RAB11FIP4: variants seen among roughly 807,000 people sequenced by gnomAD.
RAB11FIP4 encodes RAB11 family interacting protein 4.
A neutral mutation model predicts 74.3 loss-of-function variants in RAB11FIP4; 23 were observed. That is an observed-to-expected ratio of 0.31 (90% confidence interval 0.22 to 0.44). The LOEUF (loss-of-function observed/expected upper bound fraction) is 0.44. Ranked by LOEUF, RAB11FIP4 falls within the 20% of genes least tolerant of loss-of-function variation. The pLI is 1.00. For synonymous variants in RAB11FIP4, 360 were observed against 359.9 expected, an observed-to-expected ratio of 1.00 and a Z score of 0.00; for missense variants, 630 against 863.9, an observed-to-expected ratio of 0.73 and a Z score of 3.39.
chr17:31,494,899 C>T (rs2072084665), intron 3 of RAB11FIP4, among the ~76,000 whole-genome samples: 1 of 152,234 alleles, frequency 6.6e-6, no homozygotes, highest in South Asian at 2.1e-4. Context: ...TCCGAGGTAA[C>T]AGACTTCTCC....
intron 1 of RAB11FIP4, among the ~76,000 whole-genome samples, chr17:31,418,038 C>G (rs1437252103): frequency 6.6e-6 from 1 of 152,164 alleles, no homozygotes; most frequent in African/African-American, 2.4e-5. Context: ...CTGCTGTGAG[C>G]TATGATCATG....
intron 1 of RAB11FIP4, among the ~76,000 whole-genome samples, chr17:31,417,071 C>G (rs1306665287): frequency 6.6e-6 from 1 of 151,614 alleles, no homozygotes; most frequent in African/African-American, 2.4e-5. Flanking sequence ...CAGCATTGCC[C>G]CCTCTCCCTC....
chr17:31,436,464 C>A (rs77734765), intron 3 of RAB11FIP4, among the ~76,000 whole-genome samples: 4 of 152,150 alleles, frequency 2.6e-5, no homozygotes, highest in Non-Finnish European at 4.4e-5. Flanking sequence ...GTAGGGGTGA[C>A]GTGTTCCCTG....
chr17:31,394,892 A>G (rs1159727867), intron 1 of RAB11FIP4, among the ~76,000 whole-genome samples: 1 of 133,208 alleles, frequency 7.5e-6, no homozygotes, highest in Non-Finnish European at 1.6e-5. Flanking sequence ...CCCCTGATGC[A>G]TTAAAAAATC....
intron 3 of RAB11FIP4, among the ~76,000 whole-genome samples, chr17:31,459,997 G>T (rs147807329): frequency 6.6e-6 from 1 of 152,136 alleles, no homozygotes; most frequent in African/African-American, 2.4e-5. Context: ...GGTCACTCCC[G>T]GCCCTCTCAG....
chr17:31,405,531 C>T (rs2071034524), intron 1 of RAB11FIP4, among the ~76,000 whole-genome samples: 1 of 152,142 alleles, frequency 6.6e-6, no homozygotes, highest in Non-Finnish European at 1.5e-5. Context: ...GCTGCCACAC[C>T]CAGCTAATTT....
chr17:31,391,857 C>CG lies in RAB11FIP4; in HGVS notation c.8dup (p.Gly4ArgfsTer120). ...CTGAGCTGCGGGCCGGCCCGGATGG[C>CG]GGGCGGCGCGGGCTGGTCGGGCGCC... On this transcript the variant is annotated frameshift_variant, in exon 1 of 15. Transcript: ENST00000621161. LOFTEE classifies it high-confidence loss of function. 1 of 1,124,418 alleles carries CG rather than the reference C, an allele frequency of 8.9e-7. No individual in the cohort carries two copies. The highest frequency in any genetic ancestry group is 1.1e-6 in the Non-Finnish European group (1 of 922,404). 69.7% of individuals were successfully genotyped at this position (1,124,418 alleles called of 1,614,324 possible).
At chr17:31,517,597 C>T in intron 3 of RAB11FIP4, 54 bp from the exon 4 acceptor site, 2 of 1,506,070 alleles carry the variant, frequency 1.3e-6, no homozygotes, top group East Asian at 2.4e-5. Flanking sequence ...GATTGGAACA[C>T]TGAGCCCTGG....
chr17:31,450,081 C>A (rs1354185604), intron 3 of RAB11FIP4, among the ~76,000 whole-genome samples: 1 of 152,090 alleles, frequency 6.6e-6, no homozygotes, highest in East Asian at 1.9e-4. Context: ...TGATGTAGAA[C>A]AATGGAACTT....
chr17:31,514,938 G>A (rs2072518750), intron 3 of RAB11FIP4, among the ~76,000 whole-genome samples: 1 of 152,248 alleles, frequency 6.6e-6, no homozygotes, highest in Admixed American at 6.5e-5. Flanking sequence ...TCCACAAAGT[G>A]TGGGAGGTGT....
intron 3 of RAB11FIP4, among the ~76,000 whole-genome samples, chr17:31,475,050 GAGA>G (rs2071778210): frequency 6.6e-6 from 1 of 152,262 alleles, no homozygotes; most frequent in African/African-American, 2.4e-5. Flanking sequence ...GGAACTCATA[GAGA>G]AGGAGAAATG....
At position 31,426,701 on chromosome 17, in the gene RAB11FIP4, C is replaced by T. The variant is rs192577060; in HGVS notation, c.160-5112C>T. ...GCAACCTCTGCCTCCCGGGTTCAAG[C>T]GATTCTCCTGCCTCGGCCTCCCAAG... On this transcript the variant is annotated intron_variant, in intron 1 of 14. Transcript: ENST00000621161. Among the ~76,000 whole-genome samples the T allele has an allele frequency of 1.2e-4, 17 of 147,584 alleles. No individual in the cohort carries two copies. In the East Asian group the frequency reaches 3.1e-3, roughly 27 times the overall value.
rs2151610212 is a variant in RAB11FIP4, at chr17:31,391,880, G to A, written c.28G>A (p.Ala10Thr). 1 of 1,190,008 alleles carries A rather than the reference G, an allele frequency of 8.4e-7. No individual in the cohort carries two copies. Among genetic ancestry groups the A allele is most frequent in the Non-Finnish European group, 1.0e-6 (1 of 964,012 alleles). The allele number at this position is 1,190,008 out of a possible 1,614,324, so 73.7% of individuals were successfully genotyped here. Residue 10 changes from alanine (A) to threonine (T), a missense_variant, in exon 1 of 15, where the codon GCC (alanine) becomes ACC (threonine). Physicochemically the swap from Ala to Thr is moderately conservative, Grantham distance 58 (BLOSUM62 0). Coordinates refer to ENST00000621161, the MANE Select transcript of RAB11FIP4 (RefSeq NM_032932.6). The part of the protein sequence containing the change: MAGGAGWSG[A>T]PAALLRSVRR... ...GGCGGGCGGCGCGGGCTGGTCGGGC[G>A]CCCCCGCGGCTCTGCTGCGCTCCGT...
chr17:31,521,499 CT>C, intron 5 of RAB11FIP4, 139 bp downstream of exon 5: 1 of 763,782 alleles, frequency 1.3e-6, no homozygotes, highest in Admixed American at 3.1e-5. Flanking sequence ...GCTCCTGGGG[CT>C]TGGGGTTGCT....
At chr17:31,507,278 C>CA (rs1266141432) in intron 3 of RAB11FIP4, among the ~76,000 whole-genome samples, 1 of 150,900 alleles carries the variant, frequency 6.6e-6, no homozygotes, top group Non-Finnish European at 1.5e-5. Context: ...GACTCCATCT[C>CA]AAAAAAAGAA....
intron 1 of RAB11FIP4, among the ~76,000 whole-genome samples, chr17:31,416,451 G>T (rs1404620034): frequency 6.6e-6 from 1 of 152,234 alleles, no homozygotes; most frequent in African/African-American, 2.4e-5. Flanking sequence ...CGGTGTTGCT[G>T]AAGTTCTTGC....
At chr17:31,450,045 T>G (rs1370645906) in intron 3 of RAB11FIP4, among the ~76,000 whole-genome samples, 2 of 152,208 alleles carry the variant, frequency 1.3e-5, no homozygotes. Flanking sequence ...AACTCTGTAT[T>G]ATTGTTAATG....
At chr17:31,487,404 G>A (rs2071916168) in intron 3 of RAB11FIP4, among the ~76,000 whole-genome samples, 1 of 152,022 alleles carries the variant, frequency 6.6e-6, no homozygotes, top group African/African-American at 2.4e-5. Context: ...CCCGGCCTGA[G>A]GACACATGTT....
At chr17:31,530,664 C>T (rs1287322321) in intron 14 of RAB11FIP4, among the ~76,000 whole-genome samples, 195 bp downstream of exon 14, 4 of 152,168 alleles carry the variant, frequency 2.6e-5, no homozygotes, top group Admixed American at 6.5e-5. Context: ...CTCTGAGTTC[C>T]GCCTGTGCTG....
Sources: allele counts gnomAD v4.1 joint callset (sites outside exome capture counted in the v4.1 genomes callset), GRCh38; gene constraint gnomAD v4.1.1; transcripts MANE v1.5; gene names NCBI Gene and HGNC (gene_info 2026-07-23, HGNC 2026-07-21).